SCOC: variants seen among roughly 807,000 people sequenced by gnomAD.
The protein encoded by SCOC is short coiled coil protein.
SCOC carries 7 observed loss-of-function variants against 9.9 expected under a neutral mutation model. The ratio of observed to expected loss-of-function variants is 0.71; its 90% confidence interval spans 0.40 to 1.33. SCOC has a LOEUF of 1.33. SCOC is among the 40% of genes most tolerant of loss of function. The pLI is 0.01. For missense variants in SCOC, 66 were observed against 89.7 expected (o/e 0.74, Z 1.07); for synonymous variants, 19 against 28.2 (o/e 0.67, Z 1.03).
intron 2 of SCOC, among the ~76,000 whole-genome samples, chr4:140,367,869 T>G (rs1395370699): frequency 6.6e-6 from 1 of 152,168 alleles, no homozygotes; most frequent in African/African-American, 2.4e-5. Flanking sequence ...AGCTGGATGG[T>G]CAGACACAAT....
At chr4:140,304,169 T>C (rs950189575) in intron 1 of SCOC, among the ~76,000 whole-genome samples, 1 of 152,100 alleles carries the variant, frequency 6.6e-6, no homozygotes, top group African/African-American at 2.4e-5. Context: ...ATAGTTCAGC[T>C]AAGCCTGGAA....
chr4:140,352,298 A>T (rs1342013671), intron 2 of SCOC, among the ~76,000 whole-genome samples: 1 of 152,250 alleles, frequency 6.6e-6, no homozygotes, highest in Non-Finnish European at 1.5e-5. Context: ...AGCAATGGCA[A>T]AAAGTTTCAG....
intron 1 of SCOC, among the ~76,000 whole-genome samples, chr4:140,295,661 G>A (rs955112802): frequency 1.3e-5 from 2 of 152,092 alleles, no homozygotes; most frequent in African/African-American, 2.4e-5. Context: ...CACCTGGAGC[G>A]AAGGGCGCGG....
chr4:140,274,024 A>G (rs1485042484), intron 1 of SCOC, among the ~76,000 whole-genome samples: 2 of 152,248 alleles, frequency 1.3e-5, no homozygotes, highest in African/African-American at 4.8e-5. Flanking sequence ...GGAAAATATA[A>G]TCTCAGAAAA....
chr4:140,287,664 CAT>C (rs1406241300), intron 1 of SCOC, among the ~76,000 whole-genome samples: 2 of 152,088 alleles, frequency 1.3e-5, no homozygotes, highest in Admixed American at 1.3e-4. Context: ...ACATATACCA[CAT>C]GTCACACATA....
chr4:140,293,018 G>A (rs1731519802), intron 1 of SCOC, among the ~76,000 whole-genome samples: 1 of 152,210 alleles, frequency 6.6e-6, no homozygotes, highest in Non-Finnish European at 1.5e-5. Flanking sequence ...CCCACTCTTA[G>A]CTTTTATCTG....
At chr4:140,305,557 GATTT>G (rs1221973194) in intron 1 of SCOC, among the ~76,000 whole-genome samples, 1 of 152,184 alleles carries the variant, frequency 6.6e-6, no homozygotes, top group Non-Finnish European at 1.5e-5. Flanking sequence ...AATGCAGGAG[GATTT>G]AAGCTCAGAT....
chr4:140,276,852 A>G (rs1730995934), intron 1 of SCOC, among the ~76,000 whole-genome samples: 1 of 152,140 alleles, frequency 6.6e-6, no homozygotes, highest in South Asian at 2.1e-4. Flanking sequence ...TAGAAGTCTC[A>G]CACACATATC....
intron 1 of SCOC, among the ~76,000 whole-genome samples, chr4:140,298,491 G>A (rs1731713858): frequency 6.6e-6 from 1 of 152,190 alleles, no homozygotes; most frequent in African/African-American, 2.4e-5. Flanking sequence ...TCTGCAGGCA[G>A]AACCAACCAA....
At chr4:140,378,129 T>C (rs1450581738) in intron 1 of SCOC, among the ~76,000 whole-genome samples, 1 of 152,142 alleles carries the variant, frequency 6.6e-6, no homozygotes, top group Non-Finnish European at 1.5e-5. Flanking sequence ...ATTTACATCC[T>C]GATTAGTCTG....
intron 1 of SCOC, among the ~76,000 whole-genome samples, chr4:140,258,141 T>A (rs1234101477): frequency 6.6e-6 from 1 of 152,162 alleles, no homozygotes; most frequent in Non-Finnish European, 1.5e-5. Context: ...CTTTCCACCC[T>A]CCGCCAAGCA....
intron 1 of SCOC, among the ~76,000 whole-genome samples, chr4:140,261,628 A>G (rs1405808898): frequency 6.6e-6 from 1 of 152,272 alleles, no homozygotes; most frequent in African/African-American, 2.4e-5. Flanking sequence ...TGAATCCAAC[A>G]CAGATTCTAC....
intron 2 of SCOC, among the ~76,000 whole-genome samples, chr4:140,361,969 G>A (rs1232284096): frequency 6.6e-6 from 1 of 152,026 alleles, no homozygotes; most frequent in Non-Finnish European, 1.5e-5. Flanking sequence ...ATAACTTGAG[G>A]AGCTATTTCT....
Position 140,384,927 on chromosome 4 carries a change from A to G in SCOC, c.*3823A>G, listed in dbSNP as rs183704457. On this transcript the variant is annotated 3_prime_UTR_variant, in exon 4 of 4. Coordinates refer to ENST00000608372, the MANE Select transcript of SCOC (RefSeq NM_001153484.2). ...GGATTGTGTCATTAAAAGAAACCCC[A>G]GAGAGCTCTCTTTCTGCCACATAGA... The G allele has an allele frequency of 1.6e-3, 240 of 152,328 alleles. 1 individual carries two copies. Among genetic ancestry groups the G allele is most frequent in the African/African-American group, 5.5e-3 (228 of 41,570 alleles). The allele number at this position is 152,328 out of a possible 1,614,324, so 9.4% of individuals were successfully genotyped here.
chr4:140,379,732 T>G, intron 3 of SCOC, 80 bp downstream of exon 3: 2 of 982,434 alleles, frequency 2.0e-6, no homozygotes, highest in Non-Finnish European at 3.2e-6. Context: ...AAATTTTGTT[T>G]GTTAGGATGT....
chr4:140,284,938 C>G lies in SCOC; in HGVS notation c.-19+27528C>G, dbSNP rs1038023381. The G allele has an allele frequency of 1.3e-5, 3 of 235,710 alleles. No homozygotes were observed. In the Admixed American group the frequency reaches 1.5e-4, roughly 12 times the overall value. 14.6% of individuals were successfully genotyped at this position (235,710 alleles called of 1,614,324 possible). A position where few individuals can be genotyped will look rare whatever the true frequency, so the allele number is the denominator to read the frequency against. The stretch of plus-strand genomic sequence containing the variant: ...AACTAAATGAATGCATCATTAATGG[C>G]TTAGTGTAAAAGTACAATCATGCAA... On this transcript the variant is annotated intron_variant, in intron 1 of 4. Transcript: ENST00000394205.
intron 1 of SCOC, among the ~76,000 whole-genome samples, chr4:140,304,511 C>A (rs1381011884): frequency 2.0e-5 from 3 of 152,052 alleles, no homozygotes; most frequent in Non-Finnish European, 4.4e-5. Flanking sequence ...AGGCCTGTTG[C>A]GATATTGGAT....
intron 1 of SCOC, among the ~76,000 whole-genome samples, chr4:140,259,655 G>A (rs757091640): frequency 2.6e-5 from 4 of 152,298 alleles, no homozygotes; most frequent in Non-Finnish European, 5.9e-5. Context: ...GCTGCAATGA[G>A]CTATGAGCAC....
chr4:140,306,658 C>G (rs1731997363), intron 1 of SCOC, among the ~76,000 whole-genome samples: 1 of 152,000 alleles, frequency 6.6e-6, no homozygotes, highest in Non-Finnish European at 1.5e-5. Flanking sequence ...AACAGAGAGA[C>G]AGAGGGGCTG....
Sources: allele counts gnomAD v4.1 joint callset (sites outside exome capture counted in the v4.1 genomes callset), GRCh38; gene constraint gnomAD v4.1.1; transcripts MANE v1.5; gene names NCBI Gene and HGNC (gene_info 2026-07-23, HGNC 2026-07-21).